The following CTNNBIP1 variants were observed in gnomAD, a reference collection of about 807,000 sequenced individuals.
CTNNBIP1 encodes catenin beta interacting protein 1.
CTNNBIP1 carries 7 observed loss-of-function variants against 11.8 expected under a neutral mutation model. The ratio of observed to expected loss-of-function variants is 0.60; its 90% CI spans 0.34 to 1.12. CTNNBIP1 has a LOEUF of 1.12. Among genes scored for constraint, CTNNBIP1 ranks in the 50% most tolerant of loss-of-function variants. The pLI, the probability that CTNNBIP1 is intolerant of heterozygous loss-of-function variation, is 0.03. For missense variants in CTNNBIP1, 101 were observed against 113.4 expected, an observed-to-expected ratio of 0.89 and a Z score of 0.50; for synonymous variants, 58 against 43.9, an observed-to-expected ratio of 1.32 and a Z score of -1.26.
At chr1:9,858,064 C>T (rs1011086277) in intron 5 of CTNNBIP1, among the ~76,000 whole-genome samples, 1 of 152,146 alleles carries the variant, frequency 6.6e-6, no homozygotes, top group African/African-American at 2.4e-5. Flanking sequence ...CTCTGTCATA[C>T]ATAAACTCCA....
chr1:9,895,705 C>A (rs1639395903), intron 1 of CTNNBIP1, among the ~76,000 whole-genome samples: 1 of 152,012 alleles, frequency 6.6e-6, no homozygotes, highest in African/African-American at 2.4e-5. Flanking sequence ...CCATGTTGGC[C>A]AGGCTGGTCT....
intron 5 of CTNNBIP1, among the ~76,000 whole-genome samples, chr1:9,856,920 C>T (rs929426326): frequency 2.7e-5 from 4 of 149,310 alleles, no homozygotes; most frequent in Non-Finnish European, 4.5e-5. Flanking sequence ...GTCAGGAGTT[C>T]GAGACCAGTC....
intron 5 of CTNNBIP1, among the ~76,000 whole-genome samples, chr1:9,861,103 T>G (rs1231728180): frequency 6.6e-6 from 1 of 152,230 alleles, no homozygotes; most frequent in Non-Finnish European, 1.5e-5. Flanking sequence ...ACGCCCACTC[T>G]GTGTCTCATC....
intron 1 of CTNNBIP1, among the ~76,000 whole-genome samples, chr1:9,900,273 T>C (rs1259488565): frequency 6.9e-6 from 1 of 145,200 alleles, no homozygotes; most frequent in African/African-American, 2.8e-5. Context: ...CATGTGCTTG[T>C]GGTCCCAACT....
At chr1:9,905,698 G>T (rs548052521) in intron 1 of CTNNBIP1, among the ~76,000 whole-genome samples, 54 of 151,034 alleles carry the variant, frequency 3.6e-4, no homozygotes, top group Non-Finnish European at 7.7e-4. Context: ...CCAAAGTGCT[G>T]GGATTACAAG....
rs1042308550 is a variant in CTNNBIP1, at chr1:9,872,826, C to T, written c.-24-738G>A. The stretch of plus-strand genomic sequence containing the variant: ...AAGTCCCCAGGAGAGAAGTCCAGAG[C>T]CCCCTCCCTCCAGGAGGAGCTGGAG... On this transcript the variant is annotated intron_variant, in intron 3 of 5. Transcript: ENST00000377263. This position sits in a 1 kb window ranked among gnomAD's most constrained non-coding sequence, Gnocchi z 4.0. 2.0e-5 allele frequency among the ~76,000 whole-genome samples: 3 copies of T among 152,172 alleles called. No homozygotes were observed. The highest frequency in any genetic ancestry group is 4.8e-5 in the African/African-American group (2 of 41,428).
intron 5 of CTNNBIP1, among the ~76,000 whole-genome samples, chr1:9,864,627 C>T (rs567102134): frequency 6.6e-5 from 10 of 152,172 alleles, no homozygotes; most frequent in African/African-American, 2.2e-4. Context: ...CGTGCCTGGC[C>T]GGACAAGGGC....
At chr1:9,893,432 T>C (rs1404254881) in intron 1 of CTNNBIP1, among the ~76,000 whole-genome samples, 1 of 152,174 alleles carries the variant, frequency 6.6e-6, no homozygotes, top group Non-Finnish European at 1.5e-5. Context: ...CAGAAGCTTC[T>C]GGCAAAACTG....
chr1:9,855,118 A>C (rs1206179451), intron 5 of CTNNBIP1, among the ~76,000 whole-genome samples: 2 of 152,250 alleles, frequency 1.3e-5, no homozygotes, highest in African/African-American at 4.8e-5. Flanking sequence ...TAATTGCATT[A>C]ATCATAATAA....
intron 1 of CTNNBIP1, among the ~76,000 whole-genome samples, chr1:9,890,435 T>G (rs1013823641): frequency 2.0e-5 from 3 of 152,160 alleles, no homozygotes; most frequent in Admixed American, 2.0e-4. Flanking sequence ...AAAGAGGTTC[T>G]TTTTTCTTCC....
rs1639130629 is a variant in CTNNBIP1 at position 9,883,799 on chromosome 1, A to G, written c.-143-61T>C. ...TCCTTTCCCAGGTGCCCTGGCCCCCACTTGCTCTGCCTGAGAGCTGTGCTC... is the reference window on the plus strand; with the variant it reads ...TCCTTTCCCAGGTGCCCTGGCCCCCGCTTGCTCTGCCTGAGAGCTGTGCTC... On this transcript the variant is annotated intron_variant, in intron 1 of 5. Transcript: ENST00000377263. The surrounding 1 kb of genome is among the most constrained non-coding windows in gnomAD (Gnocchi z 5.6). 6.5e-6 allele frequency: 1 copy of G among 153,262 alleles called. No homozygotes were observed. Among genetic ancestry groups the G allele is most frequent in the Non-Finnish European group, 1.5e-5 (1 of 68,368 alleles). The allele number at this position is 153,262 out of a possible 1,614,324, so 9.5% of individuals were successfully genotyped here. A position where few individuals can be genotyped will look rare whatever the true frequency, so the allele number is the denominator to read the frequency against.
chr1:9,892,825 C>A (rs144680668), intron 1 of CTNNBIP1, among the ~76,000 whole-genome samples: 1 of 152,250 alleles, frequency 6.6e-6, no homozygotes, highest in East Asian at 1.9e-4. Flanking sequence ...CTTCCTGATC[C>A]TTTCCCCTCC....
At chr1:9,906,359 A>G (rs955565591) in intron 1 of CTNNBIP1, among the ~76,000 whole-genome samples, 4 of 152,112 alleles carry the variant, frequency 2.6e-5, no homozygotes, top group African/African-American at 9.7e-5. Context: ...GGAGTTCGAG[A>G]CCAGCCTGAC....
At chr1:9,880,278 T>A (rs1014834854) in intron 2 of CTNNBIP1, among the ~76,000 whole-genome samples, 1 of 152,218 alleles carries the variant, frequency 6.6e-6, no homozygotes, top group African/African-American at 2.4e-5. Context: ...GGCTTCCAGC[T>A]TCATCCATGT....
intron 1 of CTNNBIP1, among the ~76,000 whole-genome samples, chr1:9,888,081 C>T (rs1639221725): frequency 1.3e-5 from 2 of 151,752 alleles, no homozygotes; most frequent in Non-Finnish European, 2.9e-5. Flanking sequence ...GCCTCAGCCT[C>T]CCAAAGTGCT....
chr1:9,888,962 G>A (rs1335155581), intron 1 of CTNNBIP1, among the ~76,000 whole-genome samples: 1 of 152,204 alleles, frequency 6.6e-6, no homozygotes, highest in Non-Finnish European at 1.5e-5. Context: ...GCACCCAGCT[G>A]AGCCGCCTAC....
chr1:9,862,381 C>T (rs965376874), intron 5 of CTNNBIP1, among the ~76,000 whole-genome samples: 1 of 152,154 alleles, frequency 6.6e-6, no homozygotes, highest in Non-Finnish European at 1.5e-5. Flanking sequence ...CCGTGCCTGC[C>T]CCATCCTGGC....
intron 5 of CTNNBIP1, among the ~76,000 whole-genome samples, chr1:9,852,107 G>A (rs920622211): frequency 6.6e-6 from 1 of 152,190 alleles, no homozygotes; most frequent in Non-Finnish European, 1.5e-5. Flanking sequence ...AGTGTGGGGA[G>A]TGTGAAGTGA....
chr1:9,863,229 A>G (rs956846734), intron 5 of CTNNBIP1, among the ~76,000 whole-genome samples: 2 of 152,040 alleles, frequency 1.3e-5, no homozygotes, highest in Admixed American at 6.6e-5. Context: ...CAACTTATAC[A>G]CCAAATCCTC....
Sources: allele counts gnomAD v4.1 joint callset (sites outside exome capture counted in the v4.1 genomes callset), GRCh38; gene constraint gnomAD v4.1.1; non-coding constraint Gnocchi (gnomAD v3.1); transcripts MANE v1.5; gene names NCBI Gene and HGNC (gene_info 2026-07-23, HGNC 2026-07-21).